Variants in HPS3 observed in about 807,000 individuals in gnomAD.
HPS3 encodes the protein BLOC-2 complex member HPS3.
In HPS3, 79 loss-of-function variants were observed where a neutral mutation model predicts 110.9. The observed-to-expected ratio is 0.71, with a 90% confidence interval of 0.59 to 0.86. HPS3 has a LOEUF of 0.86. Among genes scored for constraint, HPS3 ranks in the 40% least tolerant of loss-of-function variants. HPS3 has a pLI of 0.00. For missense variants in HPS3, 1,197 were observed against 1,206.2 expected (o/e 0.99, Z 0.11); for synonymous variants, 428 against 451.0 (o/e 0.95, Z 0.65).
chr3:149,134,282 A>G (rs968330273), intron 1 of HPS3, among the ~76,000 whole-genome samples: 1 of 152,190 alleles, frequency 6.6e-6, no homozygotes, highest in Admixed American at 6.5e-5. Flanking sequence ...AGTTTTCTCT[A>G]CGTCACTCCT....
At chr3:149,146,777 T>G (rs774230044) in intron 5 of HPS3, among the ~76,000 whole-genome samples, 28 of 152,298 alleles carry the variant, frequency 1.8e-4, no homozygotes, top group Middle Eastern at 3.4e-3. Context: ...GTCCAAAGTG[T>G]TGTGTAGTGA....
intron 11 of HPS3, among the ~76,000 whole-genome samples, chr3:149,161,852 G>A (rs923557489): frequency 1.3e-5 from 2 of 152,130 alleles, no homozygotes; most frequent in African/African-American, 2.4e-5. Flanking sequence ...ATCCATGGGT[G>A]TGGAACCCAC....
intron 6 of HPS3, among the ~76,000 whole-genome samples, chr3:149,151,124 C>G (rs2108148129): frequency 6.6e-6 from 1 of 152,214 alleles, no homozygotes; most frequent in South Asian, 2.1e-4. Flanking sequence ...CCTGCCACCT[C>G]AGCCCCTCAA....
At chr3:149,136,816 CAT>C (rs1236835543) in intron 1 of HPS3, among the ~76,000 whole-genome samples, 16 of 152,196 alleles carry the variant, frequency 1.1e-4, no homozygotes, top group African/African-American at 3.1e-4. Context: ...ATACTATAAA[CAT>C]TAGTTAATAT....
intron 6 of HPS3, among the ~76,000 whole-genome samples, chr3:149,151,352 G>A (rs983094189): frequency 1.3e-5 from 2 of 151,674 alleles, no homozygotes; most frequent in Non-Finnish European, 2.9e-5. Context: ...TTTACTAAAT[G>A]GAAATACTGG....
chr3:149,165,747 G>C (rs1298928908), intron 14 of HPS3, among the ~76,000 whole-genome samples: 1 of 152,118 alleles, frequency 6.6e-6, no homozygotes, highest in South Asian at 2.1e-4. Flanking sequence ...CACATGCTTT[G>C]CTCCTTCCTA....
At chr3:149,151,952 C>T (rs1012384019) in intron 6 of HPS3, among the ~76,000 whole-genome samples, 8 of 152,192 alleles carry the variant, frequency 5.3e-5, no homozygotes, top group Non-Finnish European at 1.2e-4. Flanking sequence ...TACTCTTTCA[C>T]GGTCACTGTC....
chr3:149,172,135 T>C lies in HPS3; in HGVS notation c.2928T>C (p.Asp976=). 1 of 1,612,790 alleles carries C rather than the reference T, an allele frequency of 6.2e-7. No individual in the cohort carries two copies. The highest frequency in any genetic ancestry group is 2.2e-5 in the East Asian group (1 of 44,848). ...TTGCTGTGGAACTAGAACTGAAGGA[T>C]TTCATGAATGTTCTCCCAGAAGATG... ...SIVAVELELK[D]FMNVLPEDGT... Residue 976 remains aspartate, a synonymous_variant, in exon 17 of 17, where the codon GAT becomes GAC. Coordinates refer to ENST00000296051, the MANE Select transcript of HPS3 (RefSeq NM_032383.5).
At position 149,150,638 on chromosome 3, in the gene HPS3, G is replaced by A. The variant is rs182951139; in HGVS notation, c.1203G>A (p.Ala401=). 9.3e-6 allele frequency: 15 copies of A among 1,614,078 alleles called. No homozygotes were observed. The highest frequency in any genetic ancestry group is 6.7e-5 in the East Asian group (3 of 44,878). The change falls in exon 6 of 17, where the codon GCG becomes GCA. Residue 401 remains alanine, a synonymous_variant. Transcript: ENST00000296051. ...GTTTCACTGTGCGGTGCAGTGCGGC[G>A]GCAGCTCGTGAGGAGGACCCGTACA... is the stretch of plus-strand genomic sequence containing the variant. ...LQCFTVRCSA[A]AAREEDPYMD... is the part of the protein sequence containing the mutation.
intron 1 of HPS3, 62 bp from the exon 2 acceptor site, chr3:149,139,942 A>G: frequency 6.8e-7 from 1 of 1,467,494 alleles, no homozygotes; most frequent in South Asian, 1.2e-5. Flanking sequence ...TACTCATGTC[A>G]GCAAGGGAGG....
intron 6 of HPS3, 79 bp downstream of exon 6, chr3:149,150,759 C>A: frequency 8.8e-7 from 1 of 1,130,460 alleles, no homozygotes; most frequent in Non-Finnish European, 1.4e-6. Context: ...TGCTCTCAGA[C>A]CTAAGCTAGG....
At chr3:149,146,761 TC>T (rs1359037315) in intron 5 of HPS3, among the ~76,000 whole-genome samples, 4 of 152,210 alleles carry the variant, frequency 2.6e-5, no homozygotes, top group African/African-American at 9.6e-5. Flanking sequence ...AGCTACTCTT[TC>T]CAGTGTCCAA....
intron 11 of HPS3, among the ~76,000 whole-genome samples, chr3:149,160,531 T>C (rs534683895): frequency 6.6e-6 from 1 of 152,204 alleles, no homozygotes; most frequent in South Asian, 2.1e-4. Flanking sequence ...GCACTGAGCT[T>C]GGTACTAAAG....
In HPS3 at chr3:149,135,839, T is replaced by G. The variant is rs575035212; in HGVS notation, c.218-4165T>G. Among the ~76,000 whole-genome samples the G allele has an allele frequency of 2.0e-5, 3 of 152,192 alleles. No individual in the cohort carries two copies. The East Asian group carries it at 5.8e-4, about 29-fold the overall frequency. ...GTAATTGCCTGGCCATTAGCACAAG[T>G]GTACTAAACCAGCCCCAGCCCATCT... On this transcript the variant is annotated intron_variant, in intron 1 of 16. Transcript: ENST00000296051.
Position 149,172,471 on chromosome 3 carries a change from C to A in HPS3, c.*249C>A. The A allele has an allele frequency of 2.8e-6, 1 of 359,044 alleles. No homozygotes were observed. Among genetic ancestry groups the A allele is most frequent in the Non-Finnish European group, 5.2e-6 (1 of 191,848 alleles). The allele number at this position is 359,044 out of a possible 1,614,324, so 22.2% of individuals were successfully genotyped here. A position where few individuals can be genotyped will look rare whatever the true frequency, so the allele number is the denominator to read the frequency against. ...TCTAGAATGTAAAAAGTCTTTAAGA[C>A]ATAAGAATTCCTCAAAGAAGCCATA... On this transcript the variant is annotated 3_prime_UTR_variant, in exon 17 of 17. Transcript: ENST00000296051.
Position 149,129,670 on chromosome 3 carries a change from G to A in HPS3, c.-54G>A. Reference sequence around the variant, plus strand: ...GTCCTACATTCGCGGTCAGCGCGGGGTCTCCGGGCGCCCTGCAGGGCGGGC... The same window carrying A: ...GTCCTACATTCGCGGTCAGCGCGGGATCTCCGGGCGCCCTGCAGGGCGGGC... On this transcript the variant is annotated 5_prime_UTR_variant, in exon 1 of 17. Transcript: ENST00000296051. 7.3e-7 allele frequency: 1 copy of A among 1,374,750 alleles called. No homozygotes were observed. The highest frequency in any genetic ancestry group is 9.7e-7 in the Non-Finnish European group (1 of 1,034,966). 85.2% of individuals were successfully genotyped at this position (1,374,750 alleles called of 1,614,324 possible).
rs988094635 is a variant in HPS3, at chr3:149,145,234, C to A, written c.971-120C>A. 8.1e-6 allele frequency: 6 copies of A among 744,962 alleles called. No individual in the cohort carries two copies. The African/African-American group carries it at 8.7e-5, about 11-fold the overall frequency. The allele number at this position is 744,962 out of a possible 1,614,324, so 46.1% of individuals were successfully genotyped here. On this transcript the variant is annotated intron_variant, in intron 4 of 16. Transcript: ENST00000296051. ...AACATTCTTCTATAAAGAGCAACTT[C>A]CCCTTTGCAACTCTTTGGTTACCCA...
At position 149,171,712 on chromosome 3, in the gene HPS3, T is replaced by G. The variant is rs1309838239; in HGVS notation, c.2888-383T>G. On this transcript the variant is annotated intron_variant, in intron 16 of 16. Transcript: ENST00000296051. ...TGAACTGGCTTCTTTTTTTTTTTTTTTTTTTGTCCTGAGATGGAGTCTTGC... is the reference window on the plus strand; with the variant it reads ...TGAACTGGCTTCTTTTTTTTTTTTTGTTTTTGTCCTGAGATGGAGTCTTGC... Among the ~76,000 whole-genome samples, 6 of 147,818 alleles carry G rather than the reference T, an allele frequency of 4.1e-5. No individual in the cohort carries two copies. The East Asian group carries it at 1.2e-3, about 29-fold the overall frequency.
intron 1 of HPS3, 29 bp downstream of exon 1, chr3:149,129,969 C>T: frequency 6.5e-7 from 1 of 1,529,842 alleles, no homozygotes; most frequent in Non-Finnish European, 8.8e-7. Flanking sequence ...CAGGGGCCGC[C>T]TGGGGTCCAG....
Sources: allele counts gnomAD v4.1 joint callset (sites outside exome capture counted in the v4.1 genomes callset), GRCh38; gene constraint gnomAD v4.1.1; transcripts MANE v1.5; gene names NCBI Gene and HGNC (gene_info 2026-07-23, HGNC 2026-07-21).